SLC37A2: variants seen among roughly 807,000 people sequenced by gnomAD.
The protein encoded by SLC37A2 is solute carrier family 37 member 2.
Under a neutral mutation model 70.7 loss-of-function variants are expected in SLC37A2, and 59 were observed. That is an observed-to-expected ratio of 0.83 (90% CI 0.68 to 1.04). The LOEUF is 1.04. Among genes scored for constraint, SLC37A2 ranks in the 50% least tolerant of loss-of-function variants. The probability of loss-of-function intolerance (pLI) is 0.00; values close to 1 mark genes in which losing one functional copy is unlikely to be tolerated. For missense variants in SLC37A2, 580 were observed against 658.1 expected, an observed-to-expected ratio of 0.88 and a Z score of 1.30; for synonymous variants, 257 against 262.1, an observed-to-expected ratio of 0.98 and a Z score of 0.19.
In SLC37A2 at chr11:125,080,795, C is replaced by T. The variant is rs765462932; in HGVS notation, c.694+15C>T. 1.0e-5 allele frequency: 15 copies of T among 1,440,174 alleles called. No homozygotes were observed. Among genetic ancestry groups the T allele is most frequent in the Non-Finnish European group, 1.4e-5 (15 of 1,086,936 alleles). 89.2% of individuals were successfully genotyped at this position (1,440,174 alleles called of 1,614,324 possible). ...CCTCATCGAACGTGAGTGGGCCCCT[C>T]ACTCCCCACAAGTGAGCCTAGAAGT... On this transcript the variant is annotated intron_variant, in intron 7 of 17. Coordinates refer to ENST00000403796, the MANE Select transcript of SLC37A2 (RefSeq NM_001145290.2). The surrounding 1 kb of genome is among the most constrained non-coding windows in gnomAD (Gnocchi z 4.3).
Position 125,064,102 on chromosome 11 carries a change from C to T in SLC37A2, c.59+676C>T, listed in dbSNP as rs534313012. ...GAGGCGGTCAACCATTGGAGCAGTC[C>T]GTTTGGTCTGCACAGTTTTTAAAAT... On this transcript the variant is annotated intron_variant, in intron 1 of 17. Transcript: ENST00000403796. 4.2e-4 allele frequency among the ~76,000 whole-genome samples: 64 copies of T among 152,272 alleles called. 1 individual carries two copies. The South Asian group carries it at 0.013, about 31-fold the overall frequency.
In SLC37A2 at chr11:125,063,490, G is replaced by T. The variant is rs932930519; in HGVS notation, c.59+64G>T. ...TGGGCTCGGGGCTTGCAGGGGCCGCGGGGGGCCTCGGAGATCACCCCAGAT... is the reference window on the plus strand; with the variant it reads ...TGGGCTCGGGGCTTGCAGGGGCCGCTGGGGGCCTCGGAGATCACCCCAGAT... On this transcript the variant is annotated intron_variant, in intron 1 of 17. Coordinates refer to ENST00000403796, the MANE Select transcript of SLC37A2 (RefSeq NM_001145290.2). The surrounding 1 kb of genome is among the most constrained non-coding windows in gnomAD (Gnocchi z 5.4). 8.2e-6 allele frequency: 12 copies of T among 1,462,610 alleles called. No individual in the cohort carries two copies. In the Admixed American group the frequency reaches 1.7e-4, roughly 21 times the overall value. The allele number at this position is 1,462,610 out of a possible 1,614,324, so 90.6% of individuals were successfully genotyped here.
rs201278500 is a variant in SLC37A2, at chr11:125,079,284, C to T, written c.450+37C>T. On this transcript the variant is annotated intron_variant, in intron 5 of 17. Coordinates refer to ENST00000403796, the MANE Select transcript of SLC37A2 (RefSeq NM_001145290.2). ...CGTCTTGCACTTGGGCCTGTGTTGC[C>T]GTCTCGGGAAGGACCTGGGAGACCG... 51 of 1,612,908 alleles carry T rather than the reference C, an allele frequency of 3.2e-5. No homozygotes were observed. In the Admixed American group the frequency reaches 5.7e-4, roughly 18 times the overall value.
chr11:125,084,126 G>A (rs971740551), intron 11 of SLC37A2, 108 bp from the exon 12 acceptor site: 2 of 1,265,354 alleles, frequency 1.6e-6, no homozygotes, highest in African/African-American at 2.9e-5. Context: ...AGCTCTGCTG[G>A]TTCTTGCTGA....
In SLC37A2 at chr11:125,083,967, C is replaced by T. The variant is rs998183099; in HGVS notation, c.1039+90C>T. 1.1e-5 allele frequency: 15 copies of T among 1,320,274 alleles called. No homozygotes were observed. The African/African-American group carries it at 1.4e-4, about 13-fold the overall frequency. The allele number at this position is 1,320,274 out of a possible 1,614,324, so 81.8% of individuals were successfully genotyped here. A position where few individuals can be genotyped will look rare whatever the true frequency, so the allele number is the denominator to read the frequency against. ...AAGGGACAGGTCCGATGGGCTATGA[C>T]CTGGGTAGGTGGCACCAGAGGAAAA... On this transcript the variant is annotated intron_variant, in intron 11 of 17. Transcript: ENST00000403796. The surrounding 1 kb of genome is among the most constrained non-coding windows in gnomAD (Gnocchi z 4.6).
chr11:125,083,831 G>A lies in SLC37A2; in HGVS notation c.993G>A (p.Lys331=), dbSNP rs1949175407. ...TTTCCACAGCTCACTTTAGTGCCAA[G>A]GAGGCTGGGGACCTGTCTACACTCT... ...YIANVAHFSA[K]EAGDLSTLFD... The change falls in exon 11 of 18, where the codon AAG becomes AAA. Residue 331 remains lysine, a synonymous_variant. Transcript: ENST00000403796. The surrounding 1 kb of genome is among the most constrained non-coding windows in gnomAD (Gnocchi z 4.6). The A allele has an allele frequency of 6.2e-7, 1 of 1,614,074 alleles. No individual in the cohort carries two copies. Among genetic ancestry groups the A allele is most frequent in the East Asian group, 2.2e-5 (1 of 44,888 alleles).
At position 125,080,824 on chromosome 11, in the gene SLC37A2, C is replaced by A; in HGVS notation, c.694+44C>A. 7.4e-7 allele frequency: 1 copy of A among 1,346,522 alleles called. No individual in the cohort carries two copies. Among genetic ancestry groups the A allele is most frequent in the South Asian group, 2.3e-5 (1 of 42,698 alleles). 83.4% of individuals were successfully genotyped at this position (1,346,522 alleles called of 1,614,324 possible). A position where few individuals can be genotyped will look rare whatever the true frequency, so the allele number is the denominator to read the frequency against. ...CCCCACAAGTGAGCCTAGAAGTTCT[C>A]GGTTTCTGGGAGAAGGCAGCTGGAT... On this transcript the variant is annotated intron_variant, in intron 7 of 17. Transcript: ENST00000403796. The surrounding 1 kb of genome is among the most constrained non-coding windows in gnomAD (Gnocchi z 4.3).
intron 11 of SLC37A2, 69 bp from the exon 12 acceptor site, chr11:125,084,165 T>G: frequency 6.4e-7 from 1 of 1,557,660 alleles, no homozygotes; most frequent in Non-Finnish European, 8.9e-7. Flanking sequence ...GGGGCACAGC[T>G]GGGGTGCCAG....
At chr11:125,067,559 A>G (rs557167777) in intron 1 of SLC37A2, among the ~76,000 whole-genome samples, 3 of 152,346 alleles carry the variant, frequency 2.0e-5, no homozygotes, top group South Asian at 2.1e-4. Context: ...CAATATTAAC[A>G]TATTAAATAA....
intron 4 of SLC37A2, among the ~76,000 whole-genome samples, chr11:125,078,035 C>T (rs1255031082): frequency 2.0e-5 from 3 of 152,154 alleles, no homozygotes; most frequent in Non-Finnish European, 4.4e-5. Context: ...CTAGGAGCTC[C>T]GAGGTCATTA....
rs985624648 is a variant in SLC37A2, at chr11:125,088,777, C to G, written c.*643C>G. ...AGGGGCACTCCCTCTTGGGCACATG[C>G]CGGCCCTGAGTGCCTCCCTTGCCTC... On this transcript the variant is annotated 3_prime_UTR_variant, in exon 18 of 18. Transcript: ENST00000403796. The G allele has an allele frequency of 6.6e-6, 1 of 152,394 alleles. No homozygotes were observed. The highest frequency in any genetic ancestry group is 1.5e-5 in the Non-Finnish European group (1 of 68,162). The allele number at this position is 152,394 out of a possible 1,614,324, so 9.4% of individuals were successfully genotyped here. A position where few individuals can be genotyped will look rare whatever the true frequency, so the allele number is the denominator to read the frequency against.
chr11:125,083,522 G>A lies in SLC37A2; in HGVS notation c.977-293G>A, dbSNP rs902442635. On this transcript the variant is annotated intron_variant, in intron 10 of 17. Coordinates refer to ENST00000403796, the MANE Select transcript of SLC37A2 (RefSeq NM_001145290.2). This position sits in a 1 kb window ranked among gnomAD's most constrained non-coding sequence, Gnocchi z 4.6. Reference sequence around the variant, plus strand: ...TGCGCTCCAGGGGAAAGGTGGCCACGGGACAGCAGGCTCGGGGGCCAGATC... The same window carrying A: ...TGCGCTCCAGGGGAAAGGTGGCCACAGGACAGCAGGCTCGGGGGCCAGATC... The A allele has an allele frequency of 1.7e-5, 6 of 353,058 alleles. No homozygotes were observed. In the East Asian group the frequency reaches 2.1e-4, roughly 13 times the overall value. 21.9% of individuals were successfully genotyped at this position (353,058 alleles called of 1,614,324 possible). A position where few individuals can be genotyped will look rare whatever the true frequency, so the allele number is the denominator to read the frequency against.
Position 125,079,262 on chromosome 11 carries a change from C to T in SLC37A2, c.450+15C>T. On this transcript the variant is annotated intron_variant, in intron 5 of 17. Coordinates refer to ENST00000403796, the MANE Select transcript of SLC37A2 (RefSeq NM_001145290.2). ...TGGTCATCCAGGTATGAATCACCGT[C>T]TTGCACTTGGGCCTGTGTTGCCGTC... 6.2e-7 allele frequency: 1 copy of T among 1,613,998 alleles called. No individual in the cohort carries two copies. The highest frequency in any genetic ancestry group is 8.5e-7 in the Non-Finnish European group (1 of 1,179,984).
At chr11:125,081,337 G>T in intron 7 of SLC37A2, 84 bp from the exon 8 acceptor site, 1 of 1,401,078 alleles carries the variant, frequency 7.1e-7, no homozygotes, top group South Asian at 1.4e-5. Context: ...CTTAGATCCA[G>T]TGCAAGGTGA....
In SLC37A2 at chr11:125,079,175, C is replaced by A. The variant is rs752450362; in HGVS notation, c.378C>A (p.Gly126=). 6.2e-7 allele frequency: 1 copy of A among 1,614,206 alleles called. No individual in the cohort carries two copies. Among genetic ancestry groups the A allele is most frequent in the Non-Finnish European group, 8.5e-7 (1 of 1,180,032 alleles). Residue 126 remains glycine, a synonymous_variant, in exon 5 of 18, where the codon GGC becomes GGA. Transcript: ENST00000403796. The part of the protein sequence containing the change: ...YYLSAGMLLS[G]LFTSLFGLGY... Reference sequence around the variant, plus strand: ...TCTCAGCTGGAATGCTGCTCAGTGGCCTTTTCACCTCGCTCTTTGGCCTGG... The same window carrying A: ...TCTCAGCTGGAATGCTGCTCAGTGGACTTTTCACCTCGCTCTTTGGCCTGG...
rs756830585 is a variant in SLC37A2 at position 125,077,536 on chromosome 11, C to A, written c.314+8C>A. On this transcript the variant is annotated splice_region_variant and intron_variant, in intron 4 of 17. Coordinates refer to ENST00000403796, the MANE Select transcript of SLC37A2 (RefSeq NM_001145290.2). ...CATCGGCATGTTCATCAGGTAAGGACAGAGGCTGAGCCTATGACCAAGAGG... is the reference window on the plus strand; with the variant it reads ...CATCGGCATGTTCATCAGGTAAGGAAAGAGGCTGAGCCTATGACCAAGAGG... The A allele has an allele frequency of 3.7e-6, 6 of 1,611,064 alleles. No homozygotes were observed. Among genetic ancestry groups the A allele is most frequent in the South Asian group, 1.1e-5 (1 of 90,884 alleles).
intron 1 of SLC37A2, among the ~76,000 whole-genome samples, chr11:125,075,601 A>C (rs968922781): frequency 6.6e-6 from 1 of 152,242 alleles, no homozygotes; most frequent in African/African-American, 2.4e-5. Flanking sequence ...TCAGTCTCTC[A>C]AGAAGACAGA....
rs1419158715 is a variant in SLC37A2, at chr11:125,090,065, C to CT, written c.*1931_*1932insT. ...CAAGGTTTGTGAGTGCACCAGTCGACACTCTGTATCTAGCTGCTCTGGTGG... is the reference window on the plus strand; with the variant it reads ...CAAGGTTTGTGAGTGCACCAGTCGACTACTCTGTATCTAGCTGCTCTGGTGG... On this transcript the variant is annotated 3_prime_UTR_variant, in exon 18 of 18. Coordinates refer to ENST00000403796, the MANE Select transcript of SLC37A2 (RefSeq NM_001145290.2). 1 of 152,316 alleles carries CT rather than the reference C, an allele frequency of 6.6e-6. No homozygotes were observed. Among genetic ancestry groups the CT allele is most frequent in the East Asian group, 1.9e-4 (1 of 5,190 alleles). 9.4% of individuals were successfully genotyped at this position (152,316 alleles called of 1,614,324 possible). A position where few individuals can be genotyped will look rare whatever the true frequency, so the allele number is the denominator to read the frequency against.
chr11:125,076,248 T>C (rs558274517), intron 1 of SLC37A2, among the ~76,000 whole-genome samples: 5 of 152,134 alleles, frequency 3.3e-5, no homozygotes, highest in Non-Finnish European at 7.4e-5. Flanking sequence ...CCACTTCCTT[T>C]CCAACTACCG....
Sources: gnomAD v4.1 joint callset for allele counts (sites outside exome capture counted in the v4.1 genomes callset) on GRCh38, gnomAD v4.1.1 for gene constraint, Gnocchi (gnomAD v3.1) non-coding constraint, MANE v1.5 for transcripts, NCBI Gene and HGNC (gene_info 2026-07-23, HGNC 2026-07-21) for gene names.